The following ATF7 variants were observed in gnomAD, a reference collection of about 807,000 sequenced individuals.
ATF7 encodes cyclic AMP-dependent transcription factor ATF-7.
In ATF7, 10 loss-of-function variants were observed where a neutral mutation model predicts 50.4. The observed-to-expected ratio is 0.20, with a 90% CI of 0.12 to 0.34. The LOEUF (loss-of-function observed/expected upper bound fraction) is 0.34. ATF7 is among the 10% of genes least tolerant of loss of function. The pLI, the probability that ATF7 is intolerant of heterozygous loss-of-function variation, is 1.00. For missense variants in ATF7, 465 were observed against 613.9 expected, an observed-to-expected ratio of 0.76 and a Z score of 2.56; for synonymous variants, 201 against 226.4, an observed-to-expected ratio of 0.89 and a Z score of 1.01.
chr12:53,577,717 GA>G (rs747036727), intron 2 of ATF7, among the ~76,000 whole-genome samples: 194 of 96,208 alleles, frequency 2.0e-3, no homozygotes, highest in East Asian at 0.011. Flanking sequence ...CTCCGTCTCT[GA>G]AAAAAAAAAA....
intron 1 of ATF7, among the ~76,000 whole-genome samples, chr12:53,622,880 CT>C (rs1291659141): frequency 6.6e-6 from 1 of 152,068 alleles, no homozygotes. Context: ...GCTGGGAGGA[CT>C]GCTTGAGGCC....
intron 2 of ATF7, among the ~76,000 whole-genome samples, chr12:53,554,870 G>GAAAAAAAAAAAAA (rs61675595): frequency 7.9e-5 from 6 of 76,026 alleles, no homozygotes; most frequent in African/African-American, 2.0e-4. Flanking sequence ...CTCAAAAAAA[G>GAAAAAAAAAAAAA]AAAAAAAAAA....
chr12:53,539,973 G>A (rs945381523), intron 4 of ATF7, among the ~76,000 whole-genome samples: 1 of 151,994 alleles, frequency 6.6e-6, no homozygotes, highest in African/African-American at 2.4e-5. Flanking sequence ...CAGGGACTGA[G>A]GCGGGAGGAT....
intron 4 of ATF7, chr12:53,543,115 T>C: frequency 7.1e-7 from 1 of 1,416,504 alleles, no homozygotes. Flanking sequence ...GGACTAATTT[T>C]CGGTGACGAC....
In ATF7 at chr12:53,524,491, T is replaced by C; in HGVS notation, c.1125+73A>G. 1 of 1,524,098 alleles carries C rather than the reference T, an allele frequency of 6.6e-7. No individual in the cohort carries two copies. Among genetic ancestry groups the C allele is most frequent in the Admixed American group, 1.7e-5 (1 of 58,304 alleles). The allele number at this position is 1,524,098 out of a possible 1,614,324, so 94.4% of individuals were successfully genotyped here. A position where few individuals can be genotyped will look rare whatever the true frequency, so the allele number is the denominator to read the frequency against. Reference sequence around the variant, plus strand: ...AGAATTACCATCTTCTATCAAATTGTACCACTTTTTTCTGATTCCATCCCA... The same window carrying C: ...AGAATTACCATCTTCTATCAAATTGCACCACTTTTTTCTGATTCCATCCCA... On this transcript the variant is annotated intron_variant, in intron 10 of 11. Coordinates refer to ENST00000420353, the MANE Select transcript of ATF7 (RefSeq NM_006856.3). This position sits in a 1 kb window ranked among gnomAD's most constrained non-coding sequence, Gnocchi z 4.6.
chr12:53,596,698 T>C (rs1206788496), intron 2 of ATF7, among the ~76,000 whole-genome samples: 1 of 152,208 alleles, frequency 6.6e-6, no homozygotes, highest in Non-Finnish European at 1.5e-5. Flanking sequence ...ATAGTATTTA[T>C]TCCCGCTTCC....
intron 2 of ATF7, chr12:53,574,924 G>T: frequency 3.5e-6 from 1 of 282,878 alleles, no homozygotes; most frequent in Non-Finnish European, 6.8e-6. Context: ...AGAAAATAAA[G>T]TTACTCTTTC....
intron 9 of ATF7, among the ~76,000 whole-genome samples, chr12:53,525,511 G>C (rs571904947): frequency 6.6e-6 from 1 of 152,242 alleles, no homozygotes; most frequent in South Asian, 2.1e-4. Context: ...ACTATTACAG[G>C]TTTCAGAAAT....
intron 10 of ATF7, among the ~76,000 whole-genome samples, chr12:53,523,744 G>A (rs1443457571): frequency 6.6e-6 from 1 of 152,126 alleles, no homozygotes; most frequent in Non-Finnish European, 1.5e-5. Flanking sequence ...TTGCAACATT[G>A]TTCTAGCAAA....
At chr12:53,523,057 T>A (rs1306207835) in intron 11 of ATF7, 1 of 458,590 alleles carries the variant, frequency 2.2e-6, no homozygotes. Flanking sequence ...CCGGTAAATA[T>A]TGCTACCCTT....
intron 11 of ATF7, among the ~76,000 whole-genome samples, chr12:53,518,251 T>G (rs1041730910): frequency 6.6e-6 from 1 of 152,284 alleles, no homozygotes; most frequent in African/African-American, 2.4e-5. Context: ...AATGATATTA[T>G]GAATGGCCAG....
chr12:53,527,060 G>A (rs902601597), intron 9 of ATF7, among the ~76,000 whole-genome samples: 3 of 151,850 alleles, frequency 2.0e-5, no homozygotes, highest in African/African-American at 7.3e-5. Context: ...TCGGGAGGCT[G>A]AGGCAGGAGA....
intron 4 of ATF7, among the ~76,000 whole-genome samples, chr12:53,540,435 G>T (rs1320007590): frequency 6.6e-6 from 1 of 151,646 alleles, no homozygotes; most frequent in East Asian, 2.0e-4. Context: ...TTTAAAGACA[G>T]GGTCTGGGCC....
chr12:53,565,618 G>A (rs1038207825), intron 2 of ATF7, among the ~76,000 whole-genome samples: 6 of 151,936 alleles, frequency 3.9e-5, no homozygotes, highest in African/African-American at 1.5e-4. Flanking sequence ...TCGGCCTCCT[G>A]AGTAGCTGGG....
intron 1 of ATF7, among the ~76,000 whole-genome samples, chr12:53,607,346 T>C (rs946967435): frequency 6.6e-6 from 1 of 152,212 alleles, no homozygotes; most frequent in Non-Finnish European, 1.5e-5. Flanking sequence ...GGAGTACATA[T>C]TTAGACGATC....
chr12:53,564,680 A>G (rs73316973), intron 2 of ATF7, among the ~76,000 whole-genome samples: 3,315 of 152,278 alleles, frequency 0.022, 112 homozygotes, highest in African/African-American at 0.074. Flanking sequence ...TTAGAGGGGA[A>G]CAGAAAAAGA....
At chr12:53,582,982 G>C (rs1194232480) in intron 2 of ATF7, among the ~76,000 whole-genome samples, 2 of 152,190 alleles carry the variant, frequency 1.3e-5, no homozygotes. Flanking sequence ...GCAATACAAT[G>C]AAGCAAAGAT....
intron 1 of ATF7, among the ~76,000 whole-genome samples, chr12:53,625,401 C>T (rs1038837630): frequency 1.3e-5 from 2 of 152,142 alleles, no homozygotes; most frequent in Non-Finnish European, 2.9e-5. Flanking sequence ...ACCAGAAGCC[C>T]TAAATCAATA....
Position 53,514,703 on chromosome 12 carries a change from T to C in ATF7, c.*2434A>G, listed in dbSNP as rs933512562. On this transcript the variant is annotated 3_prime_UTR_variant, in exon 12 of 12. Transcript: ENST00000420353. ...AATGAAGTTAGGACTAGATAATTAG[T>C]CATGGGGGCTAAGAAATAAAAAAGA... 1.3e-5 allele frequency: 2 copies of C among 152,104 alleles called. No individual in the cohort carries two copies. Among genetic ancestry groups the C allele is most frequent in the Non-Finnish European group, 2.9e-5 (2 of 68,026 alleles). The allele number at this position is 152,104 out of a possible 1,614,324, so 9.4% of individuals were successfully genotyped here.
Sources: gnomAD v4.1 joint callset for allele counts (sites outside exome capture counted in the v4.1 genomes callset) on GRCh38, gnomAD v4.1.1 for gene constraint, Gnocchi (gnomAD v3.1) non-coding constraint, MANE v1.5 for transcripts, NCBI Gene and HGNC (gene_info 2026-07-23, HGNC 2026-07-21) for gene names.